The following TAMM41 variants were observed in gnomAD, a reference collection of about 807,000 sequenced individuals.
TAMM41 encodes the protein TAM41 mitochondrial translocator assembly and maintenance homolog, also known as phosphatidate cytidylyltransferase, mitochondrial.
In TAMM41, 36 loss-of-function variants were observed where a neutral mutation model predicts 44.1. The ratio of observed to expected loss-of-function variants is 0.82; its 90% confidence interval spans 0.63 to 1.08. TAMM41 has a LOEUF of 1.08. Among genes scored for constraint, TAMM41 ranks in the 50% least tolerant of loss-of-function variants. The pLI is 0.00. For synonymous variants in TAMM41, 164 were observed against 153.1 expected (o/e 1.07, Z -0.53); for missense variants, 417 against 404.3 (o/e 1.03, Z -0.27).
the TAMM41 span, among the ~76,000 whole-genome samples, chr3:11,746,859 C>A: frequency 6.6e-6 from 1 of 151,714 alleles, no homozygotes; most frequent in African/African-American, 2.4e-5. Flanking sequence ...TGCTCTCAAA[C>A]CCCTGGGCTC....
chr3:11,846,451 C>T (rs1187303823), intron 1 of TAMM41, 51 bp downstream of exon 1: 3 of 1,608,586 alleles, frequency 1.9e-6, no homozygotes, highest in Admixed American at 1.7e-5. Context: ...GAGGGCAAAA[C>T]GGGACTCGTG....
rs149572836 is a variant in TAMM41, at chr3:11,838,134, T to A, written c.411+1088A>T. 6.5e-3 allele frequency among the ~76,000 whole-genome samples: 983 copies of A among 152,338 alleles called. 11 individuals carry two copies. The highest frequency in any genetic ancestry group is 0.022 in the African/African-American group (933 of 41,580). ...GCTGCCTGTACTCTGATCGTTCACTTGAAAGGGATGGGGGCTACTTCCCCT... is the reference window on the plus strand; with the variant it reads ...GCTGCCTGTACTCTGATCGTTCACTAGAAAGGGATGGGGGCTACTTCCCCT... On this transcript the variant is annotated intron_variant, in intron 3 of 7. Transcript: ENST00000455809.
chr3:11,824,447 G>A lies in TAMM41; in HGVS notation c.562+5267C>T, dbSNP rs373134023. Among the ~76,000 whole-genome samples the A allele has an allele frequency of 1.1e-4, 16 of 141,286 alleles. No individual in the cohort carries two copies. The East Asian group carries it at 2.1e-3, about 18-fold the overall frequency. The allele number at this position is 141,286 out of a possible 152,430, so 92.7% of individuals were successfully genotyped here. A position where few individuals can be genotyped will look rare whatever the true frequency, so the allele number is the denominator to read the frequency against. ...ACCATCTCAGCTCACTGCAACCTTCGCCCGCCCGGCTAATTTCTGTATTTT... is the reference window on the plus strand; with the variant it reads ...ACCATCTCAGCTCACTGCAACCTTCACCCGCCCGGCTAATTTCTGTATTTT... On this transcript the variant is annotated intron_variant, in intron 4 of 7. Coordinates refer to ENST00000455809, the MANE Select transcript of TAMM41 (RefSeq NM_001284401.2).
the TAMM41 span, among the ~76,000 whole-genome samples, chr3:11,744,045 A>G: frequency 6.6e-6 from 1 of 152,258 alleles, no homozygotes; most frequent in South Asian, 2.1e-4. Context: ...CCTCATCTAT[A>G]AATGGAGTAA....
chr3:11,763,889 T>G, the TAMM41 span, among the ~76,000 whole-genome samples: 1 of 152,246 alleles, frequency 6.6e-6, no homozygotes, highest in Non-Finnish European at 1.5e-5. Context: ...GCCAGAAACA[T>G]GAAGGTGACC....
intron 7 of TAMM41, among the ~76,000 whole-genome samples, chr3:11,803,400 A>C (rs191641511): frequency 1.6e-4 from 24 of 152,308 alleles, no homozygotes; most frequent in African/African-American, 4.6e-4. Context: ...ACAAAAAAAA[A>C]CAAAAAACAA....
intron 7 of TAMM41, among the ~76,000 whole-genome samples, chr3:11,790,827 T>A (rs2077461574): frequency 6.6e-6 from 1 of 152,238 alleles, no homozygotes; most frequent in South Asian, 2.1e-4. Flanking sequence ...GTTATTGGGA[T>A]AAGTGATCCT....
chr3:11,729,015 A>AAAAAAAAAAC, the TAMM41 span, among the ~76,000 whole-genome samples: 1 of 151,738 alleles, frequency 6.6e-6, no homozygotes, highest in African/African-American at 2.4e-5. Context: ...TCTCAAAAAA[A>AAAAAAAAAAC]AAAAAAAATA....
chr3:11,795,910 T>G (rs796569583), intron 7 of TAMM41, among the ~76,000 whole-genome samples: 13 of 152,342 alleles, frequency 8.5e-5, no homozygotes, highest in African/African-American at 3.1e-4. Flanking sequence ...CTTTTGGTAC[T>G]CCTAAGCCAG....
the TAMM41 span, among the ~76,000 whole-genome samples, chr3:11,746,951 C>T: frequency 1.3e-5 from 2 of 151,886 alleles, no homozygotes; most frequent in Non-Finnish European, 2.9e-5. Flanking sequence ...TGTATGATTC[C>T]ATCTATATCT....
the TAMM41 span, among the ~76,000 whole-genome samples, chr3:11,746,927 T>C: frequency 6.6e-6 from 1 of 152,198 alleles, no homozygotes; most frequent in Admixed American, 6.5e-5. Context: ...TGAGCCACTA[T>C]GCCAGACCCA....
At chr3:11,778,110 CTT>C in the TAMM41 span, among the ~76,000 whole-genome samples, 1 of 152,082 alleles carries the variant, frequency 6.6e-6, no homozygotes, top group Non-Finnish European at 1.5e-5. Context: ...GTATTTCACT[CTT>C]TTTTATTGTC....
the TAMM41 span, among the ~76,000 whole-genome samples, chr3:11,741,112 G>A: frequency 5.5e-5 from 8 of 145,954 alleles, no homozygotes; most frequent in Admixed American, 2.0e-4. Flanking sequence ...TCAGCTACTC[G>A]GGAGGCTGAG....
rs73813055 is a variant in TAMM41 at position 11,813,146 on chromosome 3, C to T, written c.709-3464G>A. On this transcript the variant is annotated intron_variant, in intron 5 of 7. Coordinates refer to ENST00000455809, the MANE Select transcript of TAMM41 (RefSeq NM_001284401.2). ...AGTTTCTAGAAAGTTGGTAGACAGA[C>T]ACATTATACTTCCCTGTCCTCTAGC... is the stretch of plus-strand genomic sequence containing the variant. Among the ~76,000 whole-genome samples the T allele has an allele frequency of 5.3e-3, 806 of 152,236 alleles. 10 individuals are homozygous for T. The highest frequency in any genetic ancestry group is 0.018 in the African/African-American group (741 of 41,530).
the TAMM41 span, among the ~76,000 whole-genome samples, chr3:11,724,447 G>A: frequency 1.6e-5 from 2 of 126,780 alleles, no homozygotes; most frequent in East Asian, 2.5e-4. Flanking sequence ...ACAGAGTCTC[G>A]CTCTCTCACC....
At chr3:11,741,398 T>G in the TAMM41 span, among the ~76,000 whole-genome samples, 2 of 149,064 alleles carry the variant, frequency 1.3e-5, no homozygotes, top group South Asian at 4.2e-4. Context: ...GAAAGTGGAC[T>G]CCTCATGACT....
chr3:11,764,463 T>G, the TAMM41 span, among the ~76,000 whole-genome samples: 8 of 144,320 alleles, frequency 5.5e-5, no homozygotes, highest in East Asian at 1.6e-3. Flanking sequence ...ACCAGCAAGG[T>G]CCCAATGTCC....
chr3:11,764,491 T>A, the TAMM41 span, among the ~76,000 whole-genome samples: 2 of 115,376 alleles, frequency 1.7e-5, no homozygotes, highest in Non-Finnish European at 3.5e-5. Flanking sequence ...TTATTCTTTT[T>A]TTTTTTTTTT....
chr3:11,769,759 G>A, the TAMM41 span, among the ~76,000 whole-genome samples: 1 of 152,252 alleles, frequency 6.6e-6, no homozygotes, highest in African/African-American at 2.4e-5. Context: ...TGAGGGAAGT[G>A]CAACCAAGGC....
Sources: allele counts gnomAD v4.1 joint callset (sites outside exome capture counted in the v4.1 genomes callset), GRCh38; gene constraint gnomAD v4.1.1; transcripts MANE v1.5; gene names NCBI Gene and HGNC (gene_info 2026-07-23, HGNC 2026-07-21).